Variants in RALYL observed in about 807,000 individuals in gnomAD.
RALYL encodes the protein RNA-binding Raly-like protein.
Under a neutral mutation model 35.1 loss-of-function variants are expected in RALYL, and 29 were observed. The observed-to-expected ratio is 0.83, with a 90% CI of 0.61 to 1.13. The LOEUF (loss-of-function observed/expected upper bound fraction) is 1.13, where lower values mean the gene tolerates loss of function less well. Ranked by LOEUF, RALYL falls within the 50% of genes most tolerant of loss-of-function variation. RALYL has a pLI of 0.00. For synonymous variants in RALYL, 120 were observed against 127.6 expected (o/e 0.94, Z 0.40); for missense variants, 359 against 360.4 (o/e 1.00, Z 0.03).
intron 1 of RALYL, among the ~76,000 whole-genome samples, chr8:84,382,867 T>C (rs1001841363): frequency 2.0e-5 from 3 of 151,714 alleles, no homozygotes; most frequent in African/African-American, 7.3e-5. Flanking sequence ...CTCGTCAAAT[T>C]TTCTACGTTA....
chr8:84,212,007 A>T (rs967137642), intron 1 of RALYL, among the ~76,000 whole-genome samples: 3 of 152,166 alleles, frequency 2.0e-5, no homozygotes, highest in African/African-American at 4.8e-5. Context: ...GTCCAAGGTC[A>T]CAGAACAGAA....
At chr8:84,782,549 T>C (rs1341309641) in intron 3 of RALYL, among the ~76,000 whole-genome samples, 1 of 152,226 alleles carries the variant, frequency 6.6e-6, no homozygotes, top group East Asian at 1.9e-4. Context: ...TTGGAAACTG[T>C]AGCCTGTCAT....
At chr8:84,343,910 A>C (rs905443459) in intron 1 of RALYL, among the ~76,000 whole-genome samples, 14 of 151,638 alleles carry the variant, frequency 9.2e-5, no homozygotes, top group African/African-American at 3.4e-4. Context: ...AACAATTGAA[A>C]ACGAAACAGA....
chr8:84,581,906 T>C (rs1810929304), intron 2 of RALYL, among the ~76,000 whole-genome samples: 1 of 152,046 alleles, frequency 6.6e-6, no homozygotes, highest in African/African-American at 2.4e-5. Context: ...AAACAATAGA[T>C]AAAGAAAAAT....
At chr8:84,304,856 A>C (rs1247721224) in intron 1 of RALYL, among the ~76,000 whole-genome samples, 1 of 152,192 alleles carries the variant, frequency 6.6e-6, no homozygotes, top group African/African-American at 2.4e-5. Flanking sequence ...TGAGATAAGA[A>C]TATTTATTCT....
intron 2 of RALYL, among the ~76,000 whole-genome samples, chr8:84,634,541 A>G (rs1267649319): frequency 6.6e-6 from 1 of 151,844 alleles, no homozygotes; most frequent in Non-Finnish European, 1.5e-5. Context: ...ATTTTGCATT[A>G]TCCATAGCTT....
At chr8:84,886,283 G>A (rs1253888058) in intron 7 of RALYL, among the ~76,000 whole-genome samples, 2 of 114,148 alleles carry the variant, frequency 1.8e-5, no homozygotes, top group African/African-American at 5.2e-5. Flanking sequence ...TTGCTTATTT[G>A]TACATTATAT....
chr8:84,766,322 G>A (rs1276526571), intron 2 of RALYL, among the ~76,000 whole-genome samples: 2 of 152,020 alleles, frequency 1.3e-5, no homozygotes, highest in Non-Finnish European at 1.5e-5. Flanking sequence ...TCTGTTAAGT[G>A]TAAATAGCCA....
chr8:84,785,342 C>T (rs1312564228), intron 3 of RALYL, among the ~76,000 whole-genome samples: 1 of 152,054 alleles, frequency 6.6e-6, no homozygotes, highest in Admixed American at 6.6e-5. Context: ...TACTACCTGC[C>T]CAAACTAATT....
At chr8:84,374,369 G>A (rs1300729716) in intron 1 of RALYL, among the ~76,000 whole-genome samples, 1 of 151,788 alleles carries the variant, frequency 6.6e-6, no homozygotes, top group Non-Finnish European at 1.5e-5. Context: ...TTATTATTTT[G>A]AAATATGTTC....
chr8:84,625,437 T>C (rs1822517786), intron 2 of RALYL, among the ~76,000 whole-genome samples: 1 of 152,120 alleles, frequency 6.6e-6, no homozygotes, highest in African/African-American at 2.4e-5. Flanking sequence ...ATAGAAGAAG[T>C]AAAAACACTG....
chr8:84,408,230 T>G (rs73304329), intron 1 of RALYL, among the ~76,000 whole-genome samples: 4,288 of 152,200 alleles, frequency 0.028, 194 homozygotes, highest in African/African-American at 0.097. Flanking sequence ...AGACCATTTT[T>G]CTGTTGAACA....
intron 2 of RALYL, among the ~76,000 whole-genome samples, chr8:84,579,824 G>T (rs960751116): frequency 6.6e-6 from 1 of 152,138 alleles, no homozygotes; most frequent in East Asian, 1.9e-4. Context: ...ATAATGGTCA[G>T]TCTAGTGCTG....
At chr8:84,666,623 G>A (rs1173717804) in intron 2 of RALYL, among the ~76,000 whole-genome samples, 4 of 152,016 alleles carry the variant, frequency 2.6e-5, no homozygotes, top group African/African-American at 7.2e-5. Flanking sequence ...GGGACCAACC[G>A]TATGTATTTT....
At chr8:84,648,866 A>C (rs964064667) in intron 2 of RALYL, among the ~76,000 whole-genome samples, 1 of 151,616 alleles carries the variant, frequency 6.6e-6, no homozygotes, top group Non-Finnish European at 1.5e-5. Flanking sequence ...CAGGGAACAC[A>C]TGGTGGTTCC....
intron 2 of RALYL, among the ~76,000 whole-genome samples, chr8:84,737,237 A>G (rs567816156): frequency 1.3e-5 from 2 of 152,120 alleles, no homozygotes; most frequent in Admixed American, 6.6e-5. Context: ...TGTTATTATT[A>G]GCAGTTACAC....
rs530042841 is a variant in RALYL at position 84,660,699 on chromosome 8, T to G, written c.257-113880T>G. ...TTGAGGAGGATTCTATTTTTAAAATTTAACTTCCACTTTGATATTGTTATC... is the reference window on the plus strand; with the variant it reads ...TTGAGGAGGATTCTATTTTTAAAATGTAACTTCCACTTTGATATTGTTATC... On this transcript the variant is annotated intron_variant, in intron 2 of 8. Coordinates refer to ENST00000521268, the MANE Select transcript of RALYL (RefSeq NM_173848.7). 5.3e-5 allele frequency among the ~76,000 whole-genome samples: 8 copies of G among 152,096 alleles called. No individual in the cohort carries two copies. The South Asian group carries it at 1.7e-3, about 31-fold the overall frequency.
At position 84,351,408 on chromosome 8, in the gene RALYL, C is replaced by G. The variant is rs1001705306; in HGVS notation, c.-24+166984C>G. On this transcript the variant is annotated intron_variant, in intron 1 of 8. Coordinates refer to ENST00000521268, the MANE Select transcript of RALYL (RefSeq NM_173848.7). ...TTAGACATTCATTTTAAAAAATAGC[C>G]TATTCTTTATTATTTTTACTTAGAA... Among the ~76,000 whole-genome samples, 3 of 149,740 alleles carry G rather than the reference C, an allele frequency of 2.0e-5. 1 individual carries two copies. Among genetic ancestry groups the G allele is most frequent in the African/African-American group, 7.5e-5 (3 of 40,140 alleles).
chr8:84,602,848 T>C (rs1816270000), intron 2 of RALYL, among the ~76,000 whole-genome samples: 1 of 152,088 alleles, frequency 6.6e-6, no homozygotes, highest in Non-Finnish European at 1.5e-5. Context: ...CTGTGATTAG[T>C]AAAATAAAGA....
Sources: gnomAD v4.1 joint callset for allele counts (sites outside exome capture counted in the v4.1 genomes callset) on GRCh38, gnomAD v4.1.1 for gene constraint, MANE v1.5 for transcripts, NCBI Gene and HGNC (gene_info 2026-07-23, HGNC 2026-07-21) for gene names.